NKIRAS1: variants seen among roughly 807,000 people sequenced by gnomAD.
NKIRAS1 encodes the protein NFKB inhibitor interacting Ras like 1.
NKIRAS1 carries 16 observed loss-of-function variants against 19.8 expected under a neutral mutation model. That is an observed-to-expected ratio of 0.81 (90% confidence interval 0.55 to 1.23). The LOEUF is 1.23. NKIRAS1 is among the 50% of genes most tolerant of loss of function. The probability of loss-of-function intolerance (pLI) is 0.00; values close to 1 mark genes in which losing one functional copy is unlikely to be tolerated. For synonymous variants in NKIRAS1, 88 were observed against 79.0 expected, an observed-to-expected ratio of 1.11 and a Z score of -0.61; for missense variants, 184 against 220.0, an observed-to-expected ratio of 0.84 and a Z score of 1.04.
chr3:23,936,311 T>G (rs4858563), intron 1 of NKIRAS1, among the ~76,000 whole-genome samples: 1 of 151,784 alleles, frequency 6.6e-6, no homozygotes, highest in Non-Finnish European at 1.5e-5. Flanking sequence ...GAAGGTGTGG[T>G]GCAGAAATTC....
intron 1 of NKIRAS1, among the ~76,000 whole-genome samples, chr3:23,935,522 A>G (rs779897313): frequency 2.0e-5 from 3 of 152,156 alleles, no homozygotes; most frequent in Non-Finnish European, 4.4e-5. Context: ...CTTAGGCTCA[A>G]GTAATCCTCC....
At chr3:23,938,634 C>A (rs1705439514) in intron 1 of NKIRAS1, among the ~76,000 whole-genome samples, 1 of 152,170 alleles carries the variant, frequency 6.6e-6, no homozygotes, top group Non-Finnish European at 1.5e-5. Flanking sequence ...ATCTCTTATG[C>A]TATTCAAGAT....
At chr3:23,928,315 TAAA>T (rs1705245554) in intron 1 of NKIRAS1, among the ~76,000 whole-genome samples, 2 of 151,036 alleles carry the variant, frequency 1.3e-5, no homozygotes, top group Admixed American at 1.3e-4. Flanking sequence ...AATAAATAAA[TAAA>T]TAAATAAATA....
Position 23,910,887 on chromosome 3 carries a change from C to T in NKIRAS1, c.18G>A (p.Lys6=), listed in dbSNP as rs375843221. MGKGC[K]VVVCGLLSVG... is the part of the protein sequence containing the mutation. ...CAGATAACAATCCACAAACCACAACCTTGCAGCCCTTTCCCATCTTCTCTC... is the reference window on the plus strand; with the variant it reads ...CAGATAACAATCCACAAACCACAACTTTGCAGCCCTTTCCCATCTTCTCTC... Residue 6 remains lysine, a synonymous_variant, in exon 3 of 5, where the codon AAG becomes AAA. Transcript: ENST00000425478. 4 of 1,614,040 alleles carry T rather than the reference C, an allele frequency of 2.5e-6. No homozygotes were observed. The African/African-American group carries it at 5.3e-5, about 22-fold the overall frequency.
chr3:23,938,209 C>CTTTTTTTTTTTTT (rs11418287), intron 1 of NKIRAS1, among the ~76,000 whole-genome samples: 1 of 137,656 alleles, frequency 7.3e-6, no homozygotes. Flanking sequence ...AGTACAGTAC[C>CTTTTTTTTTTTTT]TTTTTTTTTT....
intron 1 of NKIRAS1, among the ~76,000 whole-genome samples, chr3:23,943,250 G>C (rs1705541501): frequency 6.6e-6 from 1 of 151,814 alleles, no homozygotes; most frequent in African/African-American, 2.4e-5. Flanking sequence ...TCCTTTTTTT[G>C]AGACAGAGTT....
chr3:23,921,570 G>GTTGTTTT (rs1559513544), upstream of NKIRAS1: 30 of 508,292 alleles, frequency 5.9e-5, 1 homozygote, highest in South Asian at 1.2e-4. Context: ...TGATTATTGA[G>GTTGTTTT]TTTTTTTTTT....
chr3:23,918,567 C>T (rs745714508), upstream of NKIRAS1: 11 of 1,613,714 alleles, frequency 6.8e-6, no homozygotes, highest in Admixed American at 1.7e-5. Flanking sequence ...GCCTTCAGTC[C>T]GTTGCAGAGG....
intron 4 of NKIRAS1, among the ~76,000 whole-genome samples, chr3:23,894,110 A>T (rs199849403): frequency 1.8e-4 from 27 of 152,342 alleles, no homozygotes; most frequent in East Asian, 1.2e-3. Flanking sequence ...TGGGCCAAAA[A>T]CAAAAAAAGT....
chr3:23,919,835 C>G, upstream of NKIRAS1: 1 of 1,032,586 alleles, frequency 9.7e-7, no homozygotes. Context: ...GTGATGAAAC[C>G]TGCAGCTTTA....
Position 23,892,278 on chromosome 3 carries a change from G to C in NKIRAS1, c.*817C>G, listed in dbSNP as rs1335026540. The C allele has an allele frequency of 6.6e-6, 1 of 152,176 alleles. No homozygotes were observed. Among genetic ancestry groups the C allele is most frequent in the Non-Finnish European group, 1.5e-5 (1 of 68,036 alleles). 9.4% of individuals were successfully genotyped at this position (152,176 alleles called of 1,614,324 possible). Reference sequence around the variant, plus strand: ...CAGACATCTAAGTCAGATCAAATTAGAGCCCAATATTTTTGATACTTTTAT... The same window carrying C: ...CAGACATCTAAGTCAGATCAAATTACAGCCCAATATTTTTGATACTTTTAT... On this transcript the variant is annotated 3_prime_UTR_variant, in exon 5 of 5. Transcript: ENST00000425478.
At chr3:23,939,625 C>T (rs546037524) in intron 1 of NKIRAS1, among the ~76,000 whole-genome samples, 1 of 152,344 alleles carries the variant, frequency 6.6e-6, no homozygotes, top group African/African-American at 2.4e-5. Context: ...CCTGTAATCC[C>T]AGCTACTCAG....
chr3:23,910,677 C>G, intron 3 of NKIRAS1, 134 bp downstream of exon 3: 1 of 648,550 alleles, frequency 1.5e-6, no homozygotes, highest in South Asian at 1.9e-5. Flanking sequence ...TTTCTTACCT[C>G]TTAATCTCTT....
At chr3:23,908,271 T>G (rs1430326517) in intron 3 of NKIRAS1, among the ~76,000 whole-genome samples, 1 of 152,120 alleles carries the variant, frequency 6.6e-6, no homozygotes, top group South Asian at 2.1e-4. Flanking sequence ...TTTAGCAGAG[T>G]AAAAAAGTTC....
rs188155371 is a variant in NKIRAS1, at chr3:23,943,070, C to A, written c.-140+3253G>T. Among the ~76,000 whole-genome samples the A allele has an allele frequency of 2.7e-3, 411 of 151,478 alleles. 3 individuals are homozygous for A. The highest frequency in any genetic ancestry group is 2.4e-3 in the Non-Finnish European group (160 of 67,778). ...GCGCCCTGCCAGGGCTCACTCTTGACGTTGTAGGTTCTAGTTTTGACAAAT... is the reference window on the plus strand; with the variant it reads ...GCGCCCTGCCAGGGCTCACTCTTGAAGTTGTAGGTTCTAGTTTTGACAAAT... On this transcript the variant is annotated intron_variant, in intron 1 of 4. Transcript: ENST00000421515.
At chr3:23,918,157 G>A (rs1575119090), upstream of NKIRAS1, 1 of 1,217,240 alleles carries the variant, frequency 8.2e-7, no homozygotes, top group African/African-American at 1.5e-5. Context: ...AAAAAAGCTA[G>A]CAACACTGGT....
intron 3 of NKIRAS1, among the ~76,000 whole-genome samples, chr3:23,903,155 C>T (rs1006579145): frequency 6.6e-5 from 10 of 152,156 alleles, no homozygotes; most frequent in African/African-American, 2.2e-4. Flanking sequence ...ACTTTGTCAT[C>T]TGGGCTGAAG....
intron 1 of NKIRAS1, chr3:23,946,265 G>A (rs1054351678): frequency 5.1e-6 from 5 of 985,356 alleles, no homozygotes; most frequent in Admixed American, 6.1e-5. Context: ...TGACCCCAAG[G>A]CGCGGACCCC....
intron 1 of NKIRAS1, among the ~76,000 whole-genome samples, chr3:23,924,529 C>G (rs1705176591): frequency 6.6e-6 from 1 of 152,142 alleles, no homozygotes; most frequent in Admixed American, 6.6e-5. Flanking sequence ...CTCAGCCTCC[C>G]AAGTAGCTGG....
Sources: gnomAD v4.1 joint callset for allele counts (sites outside exome capture counted in the v4.1 genomes callset) on GRCh38, gnomAD v4.1.1 for gene constraint, MANE v1.5 for transcripts, NCBI Gene and HGNC (gene_info 2026-07-23, HGNC 2026-07-21) for gene names.